LPXN: variants seen among roughly 807,000 people sequenced by gnomAD.
LPXN encodes leupaxin.
LPXN carries 28 observed loss-of-function variants against 45.6 expected under a neutral mutation model. The ratio of observed to expected loss-of-function variants is 0.61; its 90% confidence interval spans 0.45 to 0.84. The LOEUF is 0.84. Among genes scored for constraint, LPXN ranks in the 40% least tolerant of loss-of-function variants. The pLI is 0.00. For missense variants in LPXN, 459 were observed against 475.0 expected, an observed-to-expected ratio of 0.97 and a Z score of 0.31; for synonymous variants, 166 against 169.9, an observed-to-expected ratio of 0.98 and a Z score of 0.18.
At chr11:58,560,969 T>G (rs1487753299) in intron 3 of LPXN, among the ~76,000 whole-genome samples, 1 of 152,238 alleles carries the variant, frequency 6.6e-6, no homozygotes, top group Non-Finnish European at 1.5e-5. Flanking sequence ...CACCCATGTT[T>G]GATCATTTAC....
intron 7 of LPXN, among the ~76,000 whole-genome samples, chr11:58,536,263 T>C (rs1035049429): frequency 2.6e-5 from 4 of 152,144 alleles, no homozygotes; most frequent in Non-Finnish European, 5.9e-5. Flanking sequence ...CAAACTATAC[T>C]ACAAGGCTAC....
upstream of LPXN, among the ~76,000 whole-genome samples, chr11:58,576,774 A>G (rs930051446): frequency 1.3e-5 from 2 of 152,042 alleles, no homozygotes; most frequent in East Asian, 3.9e-4. Context: ...ACAACACCGT[A>G]GCCTTCTTTA....
At chr11:58,540,606 CACTT>C (rs1565188668) in intron 7 of LPXN, among the ~76,000 whole-genome samples, 1 of 152,156 alleles carries the variant, frequency 6.6e-6, no homozygotes, top group Non-Finnish European at 1.5e-5. Flanking sequence ...TTTGGCAAAA[CACTT>C]ATACTTACTG....
intron 7 of LPXN, among the ~76,000 whole-genome samples, chr11:58,546,931 C>T (rs1853891654): frequency 6.6e-6 from 1 of 152,056 alleles, no homozygotes. Flanking sequence ...GAGAAGGATT[C>T]CTTTGAAGAA....
intron 7 of LPXN, among the ~76,000 whole-genome samples, chr11:58,540,869 G>A (rs538645971): frequency 1.5e-3 from 233 of 152,002 alleles, no homozygotes; most frequent in African/African-American, 5.3e-3. Context: ...ACAAATCAAT[G>A]AATAGCCGCA....
At position 58,550,090 on chromosome 11, in the gene LPXN, G is replaced by A. The variant is rs1854002412; in HGVS notation, c.543C>T (p.Cys181=). 6.2e-7 allele frequency: 1 copy of A among 1,614,204 alleles called. No individual in the cohort carries two copies. Among genetic ancestry groups the A allele is most frequent in the Non-Finnish European group, 8.5e-7 (1 of 1,180,040 alleles). Residue 181 remains cysteine (C), a synonymous_variant, in exon 6 of 9, where the codon TGC becomes TGT. Transcript: ENST00000395074. The stretch of plus-strand genomic sequence containing the variant: ...AGGGACTGGAGCCAATCTCTTCTTT[G>A]CAATGAGTACAGACAAAATGCTCAG... ...WHPEHFVCTH[C]KEEIGSSPFF...
At chr11:58,573,933 GT>G (rs1259364766) in intron 1 of LPXN, among the ~76,000 whole-genome samples, 3 of 152,260 alleles carry the variant, frequency 2.0e-5, no homozygotes, top group Non-Finnish European at 4.4e-5. Context: ...CGTAATGAGG[GT>G]TTAGGTAAAA....
intron 3 of LPXN, among the ~76,000 whole-genome samples, chr11:58,560,909 T>C (rs1854354552): frequency 6.6e-6 from 1 of 152,224 alleles, no homozygotes; most frequent in Non-Finnish European, 1.5e-5. Flanking sequence ...GACACCTAGA[T>C]TGTTTTCTAA....
chr11:58,542,136 C>T (rs1247813340), intron 7 of LPXN, among the ~76,000 whole-genome samples: 1 of 151,598 alleles, frequency 6.6e-6, no homozygotes, highest in Non-Finnish European at 1.5e-5. Flanking sequence ...CACATGTATA[C>T]ATATGTAACT....
At position 58,527,395 on chromosome 11, in the gene LPXN, C is replaced by T; in HGVS notation, c.*59G>A. ...TCAGTAACAGAAAATTTACCCTTTC[C>T]TCTCCTCTCTTGGTTTAAATTTTAT... On this transcript the variant is annotated 3_prime_UTR_variant, in exon 9 of 9. Transcript: ENST00000395074. The T allele has an allele frequency of 3.8e-6, 6 of 1,559,928 alleles. No homozygotes were observed. The highest frequency in any genetic ancestry group is 4.4e-6 in the Non-Finnish European group (5 of 1,138,898).
chr11:58,569,896 C>T (rs1019397479), intron 2 of LPXN, among the ~76,000 whole-genome samples: 21 of 152,188 alleles, frequency 1.4e-4, no homozygotes. Flanking sequence ...TGATCTCTGG[C>T]CTGAGTACCA....
intron 4 of LPXN, among the ~76,000 whole-genome samples, chr11:58,551,784 A>G (rs369757891): frequency 3.3e-5 from 5 of 152,252 alleles, no homozygotes; most frequent in African/African-American, 1.2e-4. Context: ...GGTAAGAAGA[A>G]TTGATTTAGA....
In LPXN at chr11:58,556,158, A is replaced by T. The variant is rs184364448; in HGVS notation, c.219-1218T>A. ...AAATCAGTTGAAATGTGTTTTTTTT[A>T]AAAAACATAAAAAATTTTAACAAGT... On this transcript the variant is annotated intron_variant, in intron 3 of 8. Transcript: ENST00000395074. Among the ~76,000 whole-genome samples, 349 of 152,128 alleles carry T rather than the reference A, an allele frequency of 2.3e-3. 1 individual carries two copies. The highest frequency in any genetic ancestry group is 7.7e-3 in the African/African-American group (320 of 41,536).
At position 58,570,699 on chromosome 11, in the gene LPXN, C is replaced by A. The variant is rs978553218; in HGVS notation, c.28G>T (p.Glu10Ter). 2.5e-6 allele frequency: 4 copies of A among 1,610,022 alleles called. No homozygotes were observed. The highest frequency in any genetic ancestry group is 3.4e-6 in the Non-Finnish European group (4 of 1,177,500). The change falls in exon 2 of 9, where the codon GAA becomes TAA. Residue 10 changes from glutamate to a stop codon, truncating the protein, a stop_gained. Coordinates refer to ENST00000395074, the MANE Select transcript of LPXN (RefSeq NM_004811.3). LOFTEE classifies it high-confidence loss of function. ...TCCTGAAGGGTGGAGCGTTCCAGTTCCTCCAATAAGGCATCTACACCATAA... is the reference window on the plus strand; with the variant it reads ...TCCTGAAGGGTGGAGCGTTCCAGTTACTCCAATAAGGCATCTACACCATAA... MEELDALLE[E>*]LERSTLQDSD...
chr11:58,568,462 G>A (rs539855994), intron 2 of LPXN, among the ~76,000 whole-genome samples: 1 of 151,988 alleles, frequency 6.6e-6, no homozygotes, highest in African/African-American at 2.4e-5. Flanking sequence ...AATTAGCTGC[G>A]CATGGTGGTG....
intron 2 of LPXN, among the ~76,000 whole-genome samples, chr11:58,569,159 T>C (rs1466459856): frequency 2.0e-4 from 30 of 152,198 alleles, no homozygotes; most frequent in Non-Finnish European, 2.9e-5. Context: ...TTCTGGCTAT[T>C]TCATACAGGG....
Position 58,550,067 on chromosome 11 carries a change from G to C in LPXN, c.566C>G (p.Pro189Arg), listed in dbSNP as rs1854001198. The C allele has an allele frequency of 6.2e-7, 1 of 1,614,012 alleles. No individual in the cohort carries two copies. Among genetic ancestry groups the C allele is most frequent in the African/African-American group, 1.3e-5 (1 of 74,902 alleles). ...GGCCAAGCCACTCCGCTCAAAGAAG[G>C]GACTGGAGCCAATCTCTTCTTTGCA... ...THCKEEIGSS[P>R]FFERSGLAYC... is the part of the protein sequence containing the mutation. The change falls in exon 6 of 9, where the codon CCC becomes CGC. Residue 189 changes from proline to arginine, a missense_variant. By Grantham distance (103) the Pro-to-Arg change is moderately radical. Coordinates refer to ENST00000395074, the MANE Select transcript of LPXN (RefSeq NM_004811.3).
intron 2 of LPXN, among the ~76,000 whole-genome samples, chr11:58,566,804 T>G (rs1317681718): frequency 6.6e-6 from 1 of 152,222 alleles, no homozygotes; most frequent in Non-Finnish European, 1.5e-5. Flanking sequence ...CCAACTGGTC[T>G]TGAACATAAT....
intron 7 of LPXN, among the ~76,000 whole-genome samples, chr11:58,547,120 C>A (rs1853898144): frequency 1.3e-5 from 2 of 152,172 alleles, no homozygotes; most frequent in South Asian, 4.1e-4. Flanking sequence ...ATAGATGAGT[C>A]TGGCTGAAAG....
Sources: gnomAD v4.1 joint callset for allele counts (sites outside exome capture counted in the v4.1 genomes callset) on GRCh38, gnomAD v4.1.1 for gene constraint, MANE v1.5 for transcripts, NCBI Gene and HGNC (gene_info 2026-07-23, HGNC 2026-07-21) for gene names.